ZNF569: variants seen among roughly 807,000 people sequenced by gnomAD.
The protein encoded by ZNF569 is zinc finger protein 569, also known as DNA-binding protein.
Under a neutral mutation model 56.3 loss-of-function variants are expected in ZNF569, and 38 were observed. The observed-to-expected ratio is 0.68, with a 90% CI of 0.52 to 0.88. The LOEUF (loss-of-function observed/expected upper bound fraction) is 0.88. Ranked by LOEUF, ZNF569 falls within the 40% of genes least tolerant of loss-of-function variation. ZNF569 has a pLI of 0.00. For missense variants in ZNF569, 666 were observed against 809.2 expected (o/e 0.82, Z 2.15); for synonymous variants, 241 against 262.9 (o/e 0.92, Z 0.81).
chr19:37,411,180 G>A lies in ZNF569; in HGVS notation c.*1417C>T, dbSNP rs184096509. The stretch of plus-strand genomic sequence containing the variant: ...TATTTGCTTTCACTCTTTTATTAAA[G>A]AAATATTACAGATAAATATAACAAC... On this transcript the variant is annotated 3_prime_UTR_variant, in exon 6 of 6. Transcript: ENST00000316950. 3 of 152,164 alleles carry A rather than the reference G, an allele frequency of 2.0e-5. No homozygotes were observed. Among genetic ancestry groups the A allele is most frequent in the Admixed American group, 1.3e-4 (2 of 15,286 alleles). The allele number at this position is 152,164 out of a possible 1,614,324, so 9.4% of individuals were successfully genotyped here.
At chr19:37,418,418 T>C (rs2040973395) in intron 5 of ZNF569, among the ~76,000 whole-genome samples, 1 of 152,086 alleles carries the variant, frequency 6.6e-6, no homozygotes, top group African/African-American at 2.4e-5. Context: ...AAATATGGTA[T>C]CATTTAAAAG....
chr19:37,433,026 C>A (rs1443395622), intron 3 of ZNF569, among the ~76,000 whole-genome samples: 1 of 151,400 alleles, frequency 6.6e-6, no homozygotes, highest in East Asian at 1.9e-4. Context: ...ACCTCAGCCT[C>A]CCAAAGAGCA....
chr19:37,445,055 G>A, intron 2 of ZNF569, 91 bp from the exon 3 acceptor site: 1 of 922,394 alleles, frequency 1.1e-6, no homozygotes, highest in Non-Finnish European at 1.6e-6. Flanking sequence ...ACCCTGTAGT[G>A]GAATGATAAT....
chr19:37,424,328 C>T (rs1361305673), intron 5 of ZNF569, among the ~76,000 whole-genome samples: 1 of 151,910 alleles, frequency 6.6e-6, no homozygotes, highest in Admixed American at 6.6e-5. Context: ...GATGGTACTC[C>T]CGAAGATGCT....
At chr19:37,454,568 T>C (rs894114105) in intron 2 of ZNF569, among the ~76,000 whole-genome samples, 1 of 152,162 alleles carries the variant, frequency 6.6e-6, no homozygotes, top group South Asian at 2.1e-4. Context: ...GCAACTGTTT[T>C]TGCTGCTCTT....
chr19:37,451,998 T>A (rs936148605), intron 2 of ZNF569, among the ~76,000 whole-genome samples: 1 of 152,230 alleles, frequency 6.6e-6, no homozygotes, highest in African/African-American at 2.4e-5. Flanking sequence ...TCTTCCTTCA[T>A]CTCTTCTCTC....
At chr19:37,427,595 C>T (rs2041155885) in intron 3 of ZNF569, among the ~76,000 whole-genome samples, 2 of 152,108 alleles carry the variant, frequency 1.3e-5, no homozygotes, top group African/African-American at 4.8e-5. Flanking sequence ...GTTTCTAGGT[C>T]CTAAAAGGAA....
intron 3 of ZNF569, among the ~76,000 whole-genome samples, chr19:37,437,512 C>T (rs918972401): frequency 1.3e-5 from 2 of 152,044 alleles, no homozygotes; most frequent in Non-Finnish European, 2.9e-5. Flanking sequence ...AAGTAAAGGG[C>T]ATCCAAATTA....
intron 2 of ZNF569, among the ~76,000 whole-genome samples, chr19:37,452,785 G>A (rs772467628): frequency 1.3e-5 from 2 of 152,112 alleles, no homozygotes; most frequent in Non-Finnish European, 2.9e-5. Flanking sequence ...AATGCATCTT[G>A]GTATGGGTTT....
Position 37,435,162 on chromosome 19 carries a change from A to AAAAGTTAAAAAAGCAGGGGGAC in ZNF569, c.16-8806_16-8785dup, listed in dbSNP as rs1179181280. Among the ~76,000 whole-genome samples the AAAAGTTAAAAAAGCAGGGGGAC allele has an allele frequency of 2.6e-5, 4 of 152,310 alleles. No individual in the cohort carries two copies. The East Asian group carries it at 5.8e-4, about 22-fold the overall frequency. On this transcript the variant is annotated intron_variant, in intron 3 of 5. Transcript: ENST00000316950. ...AATAAATTAAAAAGTAAAAACAGCA[A>AAAAGTTAAAAAAGCAGGGGGAC]AAAGTTAAAAAAGCAGGGGGACAAA...
At chr19:37,423,780 G>A (rs7252346) in intron 5 of ZNF569, among the ~76,000 whole-genome samples, 41,334 of 151,986 alleles carry the variant, frequency 0.27, 7,032 homozygotes, top group African/African-American at 0.47. Context: ...AACATGAAAA[G>A]ATGCTTGCCT....
intron 5 of ZNF569, among the ~76,000 whole-genome samples, chr19:37,422,883 T>C (rs1305492659): frequency 1.4e-5 from 2 of 147,494 alleles, no homozygotes; most frequent in African/African-American, 2.5e-5. Flanking sequence ...CTACAGGACA[T>C]AGCACAAACC....
At position 37,414,385 on chromosome 19, in the gene ZNF569, G is replaced by A; in HGVS notation, c.273C>T (p.Asn91=). The change falls in exon 6 of 6, where the codon AAC becomes AAT. Residue 91 remains asparagine (N), a synonymous_variant. Transcript: ENST00000316950. ...EIWGVDEHQK[N]QDRLLRQVEV... is the part of the protein sequence containing the mutation. ...CAACTTGTCTCAAAAGTCTGTCCTG[G>A]TTTTTCTGATGCTCATCAACTCCCC... 1.9e-6 allele frequency: 3 copies of A among 1,602,500 alleles called. No homozygotes were observed. Among genetic ancestry groups the A allele is most frequent in the Non-Finnish European group, 2.6e-6 (3 of 1,175,720 alleles).
intron 4 of ZNF569, 35 bp from the exon 5 acceptor site, chr19:37,425,998 A>G (rs2041125517): frequency 1.2e-6 from 2 of 1,605,392 alleles, no homozygotes; most frequent in Non-Finnish European, 8.5e-7. Flanking sequence ...TTGGGCATAC[A>G]TACTAGGAAC....
intron 5 of ZNF569, among the ~76,000 whole-genome samples, chr19:37,424,687 A>G (rs1417670800): frequency 6.6e-6 from 1 of 151,658 alleles, no homozygotes; most frequent in African/African-American, 2.4e-5. Flanking sequence ...ATGGTGGTGC[A>G]TGCCTATAGT....
chr19:37,448,063 G>A (rs2041528106), intron 2 of ZNF569, among the ~76,000 whole-genome samples: 1 of 151,938 alleles, frequency 6.6e-6, no homozygotes, highest in South Asian at 2.1e-4. Flanking sequence ...AATATCTTTG[G>A]CTTTGGTATC....
intron 5 of ZNF569, among the ~76,000 whole-genome samples, chr19:37,419,451 G>A (rs374718246): frequency 6.6e-6 from 1 of 152,184 alleles, no homozygotes; most frequent in South Asian, 2.1e-4. Flanking sequence ...GCTGGGTGCG[G>A]TGGCTCACGA....
Position 37,412,981 on chromosome 19 carries a change from G to A in ZNF569, c.1677C>T (p.Phe559=). The part of the protein sequence containing the change: ...PYECDKCGKA[F]SQCSLLNLHM... ...GTAAATTAAGCAGTGAGCACTGAGA[G>A]AAGGCTTTACCACATTTATCACATT... The change falls in exon 6 of 6, where the codon TTC becomes TTT. Residue 559 remains phenylalanine, a synonymous_variant. Coordinates refer to ENST00000316950, the MANE Select transcript of ZNF569 (RefSeq NM_152484.3). 1 of 1,613,766 alleles carries A rather than the reference G, an allele frequency of 6.2e-7. No homozygotes were observed. Among genetic ancestry groups the A allele is most frequent in the South Asian group, 1.1e-5 (1 of 91,042 alleles).
At chr19:37,468,008 C>G, upstream of ZNF569, 3 of 1,387,678 alleles carry the variant, frequency 2.2e-6, no homozygotes, top group South Asian at 3.7e-5. Flanking sequence ...GACTTCTAAA[C>G]AGACTTGGCC....
Sources: gnomAD v4.1 joint callset for allele counts (sites outside exome capture counted in the v4.1 genomes callset) on GRCh38, gnomAD v4.1.1 for gene constraint, MANE v1.5 for transcripts, NCBI Gene and HGNC (gene_info 2026-07-23, HGNC 2026-07-21) for gene names.